DAB1: variants seen among roughly 807,000 people sequenced by gnomAD.
The protein encoded by DAB1 is disabled homolog 1.
In DAB1, 15 loss-of-function variants were observed where a neutral mutation model predicts 64.6. The observed-to-expected ratio is 0.23, with a 90% CI of 0.16 to 0.36. DAB1 has a LOEUF of 0.36. Ranked by LOEUF, DAB1 falls within the 10% of genes least tolerant of loss-of-function variation. The pLI is 1.00. For synonymous variants in DAB1, 235 were observed against 251.9 expected (o/e 0.93, Z 0.64); for missense variants, 596 against 706.7 (o/e 0.84, Z 1.78).
intron 1 of DAB1, among the ~76,000 whole-genome samples, chr1:57,830,008 C>T (rs1652518696): frequency 6.6e-6 from 1 of 152,298 alleles, no homozygotes; most frequent in East Asian, 1.9e-4. Context: ...CTGACTCCTT[C>T]TCATGACACT....
chr1:57,756,995 A>G (rs1403342660), intron 6 of DAB1, among the ~76,000 whole-genome samples: 1 of 152,286 alleles, frequency 6.6e-6, no homozygotes, highest in Non-Finnish European at 1.5e-5. Context: ...ACAAAAGAGA[A>G]GCTGAAGAAG....
At chr1:57,814,293 G>A (rs930367618) in intron 6 of DAB1, among the ~76,000 whole-genome samples, 2 of 152,136 alleles carry the variant, frequency 1.3e-5, no homozygotes, top group African/African-American at 4.8e-5. Context: ...GAATCCATCT[G>A]GCCACACATC....
intron 4 of DAB1, among the ~76,000 whole-genome samples, chr1:58,304,476 G>A (rs1662258252): frequency 6.6e-6 from 1 of 152,192 alleles, no homozygotes; most frequent in African/African-American, 2.4e-5. Flanking sequence ...GAAGTAGGAA[G>A]AGAAACTCGT....
In DAB1 at chr1:58,325,872, G is replaced by A. The variant is rs1307226328; in HGVS notation, n.309+17480C>T. On this transcript the variant is annotated intron_variant and non_coding_transcript_variant, in intron 4 of 20. Coordinates refer to the DAB1 transcript ENST00000485760. ...TTTTAGGATTAAAGTGAGAGGTGAA[G>A]CTTTATTGATCCAAGTGGAAGTAAA... Among the ~76,000 whole-genome samples the A allele has an allele frequency of 3.9e-5, 6 of 152,116 alleles. No individual in the cohort carries two copies. In the East Asian group the frequency reaches 1.2e-3, roughly 29 times the overall value.
chr1:57,851,616 G>A (rs1284252522), intron 1 of DAB1, among the ~76,000 whole-genome samples: 2 of 152,188 alleles, frequency 1.3e-5, no homozygotes, highest in African/African-American at 4.8e-5. Flanking sequence ...CTTTGCTCCT[G>A]CAAGAAGCAT....
intron 1 of DAB1, among the ~76,000 whole-genome samples, chr1:57,394,470 T>C (rs551804898): frequency 2.6e-5 from 4 of 152,304 alleles, no homozygotes; most frequent in African/African-American, 7.2e-5. Context: ...TAGCTTCAAG[T>C]TTATCCTTTC....
At chr1:58,245,236 A>G (rs1023230251) in intron 4 of DAB1, among the ~76,000 whole-genome samples, 1 of 152,164 alleles carries the variant, frequency 6.6e-6, no homozygotes, top group East Asian at 1.9e-4. Context: ...TGCCCCATTC[A>G]GTCACTGTAC....
At chr1:58,198,702 G>T (rs185613755) in intron 4 of DAB1, among the ~76,000 whole-genome samples, 1 of 152,098 alleles carries the variant, frequency 6.6e-6, no homozygotes, top group Admixed American at 6.5e-5. Context: ...TGGCTATAGT[G>T]ATTGGTTCAG....
At chr1:57,858,378 A>G (rs1459846115) in intron 1 of DAB1, among the ~76,000 whole-genome samples, 1 of 152,108 alleles carries the variant, frequency 6.6e-6, no homozygotes, top group Non-Finnish European at 1.5e-5. Flanking sequence ...GGGAAAAGAC[A>G]ACTGTTTGTA....
chr1:57,804,108 A>G (rs1385046877), intron 6 of DAB1, among the ~76,000 whole-genome samples: 1 of 152,178 alleles, frequency 6.6e-6, no homozygotes, highest in African/African-American at 2.4e-5. Context: ...GAGGTCATAG[A>G]ACATAACTAT....
chr1:57,686,312 T>C (rs1646697047), intron 6 of DAB1, among the ~76,000 whole-genome samples: 1 of 152,148 alleles, frequency 6.6e-6, no homozygotes, highest in Non-Finnish European at 1.5e-5. Context: ...AATGGATAAA[T>C]TCCTAGAAAC....
intron 5 of DAB1, among the ~76,000 whole-genome samples, chr1:57,966,915 T>C (rs935920963): frequency 2.0e-5 from 3 of 152,238 alleles, no homozygotes; most frequent in Admixed American, 6.5e-5. Flanking sequence ...TATCTTTGCA[T>C]AGACCTGTTG....
intron 7 of DAB1, among the ~76,000 whole-genome samples, chr1:57,436,719 A>G (rs1685708922): frequency 6.6e-6 from 1 of 152,212 alleles, no homozygotes; most frequent in Admixed American, 6.5e-5. Flanking sequence ...AGTGGATGCC[A>G]CCAGAAGGTA....
At chr1:57,894,323 T>C (rs549634238) in intron 5 of DAB1, among the ~76,000 whole-genome samples, 6 of 152,290 alleles carry the variant, frequency 3.9e-5, no homozygotes, top group Admixed American at 1.3e-4. Flanking sequence ...GAGGCAAGAA[T>C]TGACATTGCT....
chr1:58,428,993 G>A (rs1004614414), intron 3 of DAB1, among the ~76,000 whole-genome samples: 1 of 152,184 alleles, frequency 6.6e-6, no homozygotes, highest in African/African-American at 2.4e-5. Flanking sequence ...TCTTGATCTG[G>A]GTGATGGTTA....
Position 57,724,670 on chromosome 1 carries a change from TC to T in DAB1, n.552-75006del, listed in dbSNP as rs557892152. On this transcript the variant is annotated intron_variant and non_coding_transcript_variant, in intron 6 of 20. Transcript: ENST00000485760. Reference sequence around the variant, plus strand: ...CTTCTCCCCCAGGAGGCCTATTCTTTCTCTTTGTCTGAGCTCCCATCCTAAG... The same window carrying T: ...CTTCTCCCCCAGGAGGCCTATTCTTTTCTTTGTCTGAGCTCCCATCCTAAG... 1.4e-3 allele frequency among the ~76,000 whole-genome samples: 212 copies of T among 152,230 alleles called. 5 individuals are homozygous for T. The South Asian group carries it at 0.032, about 23-fold the overall frequency.
Position 58,534,311 on chromosome 1 carries a change from A to G in DAB1, n.33-6976T>C, listed in dbSNP as rs770654004. On this transcript the variant is annotated intron_variant and non_coding_transcript_variant, in intron 1 of 20. Coordinates refer to the DAB1 transcript ENST00000485760. ...GGGCATCTTTCTCAGTTAGCATATCATTTTTAAATTCTTCCATCCACTGAA... is the reference window on the plus strand; with the variant it reads ...GGGCATCTTTCTCAGTTAGCATATCGTTTTTAAATTCTTCCATCCACTGAA... The G allele has an allele frequency of 3.5e-6, 3 of 854,042 alleles. No homozygotes were observed. The Admixed American group carries it at 5.6e-5, about 16-fold the overall frequency. 52.9% of individuals were successfully genotyped at this position (854,042 alleles called of 1,614,324 possible). A position where few individuals can be genotyped will look rare whatever the true frequency, so the allele number is the denominator to read the frequency against.
chr1:57,523,324 A>G (rs955013866), intron 7 of DAB1, among the ~76,000 whole-genome samples: 1 of 152,200 alleles, frequency 6.6e-6, no homozygotes, highest in Non-Finnish European at 1.5e-5. Flanking sequence ...GGAGAAAAGG[A>G]TATTACATAC....
chr1:57,762,499 G>A (rs1649132229), intron 6 of DAB1, among the ~76,000 whole-genome samples: 1 of 152,000 alleles, frequency 6.6e-6, no homozygotes, highest in Non-Finnish European at 1.5e-5. Flanking sequence ...CCTGATAGGA[G>A]CATTAAGAAA....
Sources: allele counts gnomAD v4.1 joint callset (sites outside exome capture counted in the v4.1 genomes callset), GRCh38; gene constraint gnomAD v4.1.1; transcripts MANE v1.5; gene names NCBI Gene and HGNC (gene_info 2026-07-23, HGNC 2026-07-21).